NCK2: variants seen among roughly 807,000 people sequenced by gnomAD.
The protein encoded by NCK2 is cytoplasmic protein NCK2.
A neutral mutation model predicts 33.9 loss-of-function variants in NCK2; 16 were observed. The ratio of observed to expected loss-of-function variants is 0.47; its 90% CI spans 0.32 to 0.72. The LOEUF is 0.72. Ranked by LOEUF, NCK2 falls within the 30% of genes least tolerant of loss-of-function variation. The pLI is 0.03. For missense variants in NCK2, 418 were observed against 537.3 expected (o/e 0.78, Z 2.19); for synonymous variants, 273 against 239.9 (o/e 1.14, Z -1.27).
At chr2:105,765,966 T>C (rs552104225) in intron 1 of NCK2, among the ~76,000 whole-genome samples, 1 of 149,440 alleles carries the variant, frequency 6.7e-6, no homozygotes, top group Non-Finnish European at 1.5e-5. Flanking sequence ...TGCAGTGACT[T>C]GTTACATGGC....
At chr2:105,859,680 C>G (rs1677438072) in intron 3 of NCK2, among the ~76,000 whole-genome samples, 1 of 152,252 alleles carries the variant, frequency 6.6e-6, no homozygotes, top group Admixed American at 6.5e-5. Flanking sequence ...AGGCATATCC[C>G]TGCTAGGATC....
At chr2:105,752,468 GTAAAA>G (rs1689482618) in intron 1 of NCK2, among the ~76,000 whole-genome samples, 1 of 152,162 alleles carries the variant, frequency 6.6e-6, no homozygotes, top group Non-Finnish European at 1.5e-5. Context: ...AGTTACCAGT[GTAAAA>G]TAACATTTTT....
intron 2 of NCK2, among the ~76,000 whole-genome samples, chr2:105,850,247 G>T (rs1677011169): frequency 6.6e-6 from 1 of 152,146 alleles, no homozygotes; most frequent in Non-Finnish European, 1.5e-5. Flanking sequence ...TTTTAATGTT[G>T]TAGGGGCACT....
rs535433895 is a variant in NCK2, at chr2:105,870,925, C to T, written c.227-10403C>T. ...CATACGGGTGTGTGAGTGCCCAGCA[C>T]ATCGTAGGATCTTGGTGGAAGGGAA... is the stretch of plus-strand genomic sequence containing the variant. On this transcript the variant is annotated intron_variant, in intron 3 of 4. Transcript: ENST00000233154. Among the ~76,000 whole-genome samples the T allele has an allele frequency of 2.7e-4, 41 of 152,072 alleles. No individual in the cohort carries two copies. In the South Asian group the frequency reaches 6.3e-3, roughly 23 times the overall value.
chr2:105,871,725 C>T (rs1368788111), intron 3 of NCK2, among the ~76,000 whole-genome samples: 7 of 152,106 alleles, frequency 4.6e-5, no homozygotes, highest in Admixed American at 4.6e-4. Flanking sequence ...GAACTCCTGA[C>T]CTCAAGTGAT....
chr2:105,888,498 G>A (rs1484249575), intron 4 of NCK2, among the ~76,000 whole-genome samples: 2 of 152,162 alleles, frequency 1.3e-5, no homozygotes, highest in African/African-American at 2.4e-5. Flanking sequence ...CAAAACCCGG[G>A]GACTGAGTCT....
At chr2:105,815,820 C>T (rs754617716) in intron 1 of NCK2, among the ~76,000 whole-genome samples, 5 of 152,180 alleles carry the variant, frequency 3.3e-5, no homozygotes, top group Admixed American at 6.5e-5. Context: ...AACCCTTCTC[C>T]GTCATTAGAC....
intron 2 of NCK2, among the ~76,000 whole-genome samples, chr2:105,821,457 T>C (rs1675735759): frequency 6.6e-6 from 1 of 152,218 alleles, no homozygotes. Context: ...GGGAACAGTC[T>C]CTGCAGTTTG....
chr2:105,789,244 G>GT (rs142581278), intron 1 of NCK2, among the ~76,000 whole-genome samples: 2,850 of 152,250 alleles, frequency 0.019, 51 homozygotes, highest in Non-Finnish European at 0.022. Flanking sequence ...CTGGAGTGTA[G>GT]TGGCGCGATC....
Sources: gnomAD v4.1 joint callset for allele counts (sites outside exome capture counted in the v4.1 genomes callset) on GRCh38, gnomAD v4.1.1 for gene constraint, MANE v1.5 for transcripts, NCBI Gene and HGNC (gene_info 2026-07-23, HGNC 2026-07-21) for gene names.